The following PPHLN1 variants were observed in gnomAD, a reference collection of about 807,000 sequenced individuals.
The protein encoded by PPHLN1 is periphilin 1.
A neutral mutation model predicts 51.3 loss-of-function variants in PPHLN1; 29 were observed. The observed-to-expected ratio is 0.57, with a 90% CI of 0.42 to 0.77. The LOEUF is 0.77. PPHLN1 is among the 30% of genes least tolerant of loss of function. The probability of loss-of-function intolerance (pLI) is 0.00; values close to 1 mark genes in which losing one functional copy is unlikely to be tolerated. For missense variants in PPHLN1, 436 were observed against 438.4 expected, an observed-to-expected ratio of 0.99 and a Z score of 0.05; for synonymous variants, 147 against 147.8, an observed-to-expected ratio of 0.99 and a Z score of 0.04.
chr12:42,445,967 C>G (rs1031945525), downstream of PPHLN1: 2 of 1,494,274 alleles, frequency 1.3e-6, no homozygotes, highest in Non-Finnish European at 1.8e-6. Flanking sequence ...GTTCACATCC[C>G]CTCAGGCCCT....
At chr12:42,380,013 T>A (rs908063984) in intron 5 of PPHLN1, among the ~76,000 whole-genome samples, 1 of 152,074 alleles carries the variant, frequency 6.6e-6, no homozygotes, top group Non-Finnish European at 1.5e-5. Flanking sequence ...CTTATTTTCA[T>A]ATCCACTTGA....
intron 9 of PPHLN1, among the ~76,000 whole-genome samples, chr12:42,440,735 G>A (rs550004315): frequency 3.3e-5 from 5 of 152,264 alleles, no homozygotes; most frequent in South Asian, 2.1e-4. Context: ...GCGCCACCGC[G>A]CCCAGCCAAT....
chr12:42,354,814 CAG>C (rs2073851588), intron 3 of PPHLN1, among the ~76,000 whole-genome samples: 1 of 152,072 alleles, frequency 6.6e-6, no homozygotes, highest in South Asian at 2.1e-4. Flanking sequence ...GAGAACTTGA[CAG>C]AAGGAAAAAT....
chr12:42,446,772 CA>C, downstream of PPHLN1: 1 of 909,840 alleles, frequency 1.1e-6, no homozygotes, highest in South Asian at 2.5e-5. Context: ...GGAGGTTTTC[CA>C]AAGCTTCAGG....
chr12:42,417,948 T>G (rs1266084346), intron 9 of PPHLN1, among the ~76,000 whole-genome samples: 1 of 112,584 alleles, frequency 8.9e-6, no homozygotes, highest in African/African-American at 2.8e-5. Context: ...TTTTTGTTTT[T>G]TTTTTTTTTG....
In PPHLN1 at chr12:42,437,158, C is replaced by G. The variant is rs571177169; in HGVS notation, c.910-4157C>G. ...GCTCCTTGAAGGAGCTCTTCATGAT[C>G]TCGTTTCAGGGTGAATATCCTATGC... is the stretch of plus-strand genomic sequence containing the variant. On this transcript the variant is annotated intron_variant, in intron 9 of 9. Transcript: ENST00000358314. Among the ~76,000 whole-genome samples the G allele has an allele frequency of 1.1e-3, 170 of 152,308 alleles. 2 individuals are homozygous for G. Among genetic ancestry groups the G allele is most frequent in the Admixed American group, 4.6e-3 (70 of 15,302 alleles).
intron 9 of PPHLN1, among the ~76,000 whole-genome samples, chr12:42,404,832 A>C (rs1417809948): frequency 6.6e-6 from 1 of 152,174 alleles, no homozygotes; most frequent in Non-Finnish European, 1.5e-5. Context: ...GTTCAAGACC[A>C]GCCTCACCAA....
chr12:42,414,116 A>G (rs527446891), intron 9 of PPHLN1, among the ~76,000 whole-genome samples: 1 of 152,050 alleles, frequency 6.6e-6, no homozygotes, highest in East Asian at 1.9e-4. Flanking sequence ...GGCTCACTGC[A>G]ATCTCCGCCT....
intron 2 of PPHLN1, among the ~76,000 whole-genome samples, chr12:42,340,319 A>G (rs958398816): frequency 6.7e-6 from 1 of 149,550 alleles, no homozygotes; most frequent in Non-Finnish European, 1.5e-5. Context: ...CTCAAAAAAA[A>G]AAAAAAAAAA....
intron 2 of PPHLN1, among the ~76,000 whole-genome samples, chr12:42,342,066 A>G (rs983578122): frequency 2.0e-5 from 3 of 152,152 alleles, no homozygotes; most frequent in African/African-American, 4.8e-5. Flanking sequence ...GTAAATATAT[A>G]TGCTTCTTCT....
At chr12:42,385,583 CCT>C (rs541316825) in intron 6 of PPHLN1, among the ~76,000 whole-genome samples, 48 of 152,070 alleles carry the variant, frequency 3.2e-4, no homozygotes, top group Non-Finnish European at 6.6e-4. Flanking sequence ...GTTTTTTTCC[CCT>C]CTGTGTCTAG....
At chr12:42,371,819 T>C (rs1045210146) in intron 4 of PPHLN1, among the ~76,000 whole-genome samples, 7 of 152,220 alleles carry the variant, frequency 4.6e-5, no homozygotes, top group African/African-American at 1.7e-4. Context: ...TTTGGATATA[T>C]TGGGTTAAGT....
rs187052076 is a variant in PPHLN1, at chr12:42,417,595, G to T, written c.909+18601G>T. Among the ~76,000 whole-genome samples the T allele has an allele frequency of 2.6e-3, 392 of 152,112 alleles. 2 individuals carry two copies. Among genetic ancestry groups the T allele is most frequent in the Non-Finnish European group, 3.3e-3 (223 of 68,000 alleles). ...TCCAACAATTCACAGCCTCCTTTAAGTAAGCGTAGAAAGGCAAACCGGATT... is the reference window on the plus strand; with the variant it reads ...TCCAACAATTCACAGCCTCCTTTAATTAAGCGTAGAAAGGCAAACCGGATT... On this transcript the variant is annotated intron_variant, in intron 9 of 9. Coordinates refer to ENST00000358314, the MANE Select transcript of PPHLN1 (RefSeq NM_201439.2).
chr12:42,354,163 A>T (rs17091094), intron 3 of PPHLN1, among the ~76,000 whole-genome samples: 12,356 of 152,232 alleles, frequency 0.081, 546 homozygotes, highest in East Asian at 0.15. Flanking sequence ...TATTTATTTT[A>T]GACGAATCCG....
Position 42,413,805 on chromosome 12 carries a change from C to T in PPHLN1, c.909+14811C>T, listed in dbSNP as rs911281585. On this transcript the variant is annotated intron_variant, in intron 9 of 9. Transcript: ENST00000358314. ...CTCAAACTTCTGACCACAAGTGATCCGCCCACCTCAGCCTCCCAAAGTGCT... is the reference window on the plus strand; with the variant it reads ...CTCAAACTTCTGACCACAAGTGATCTGCCCACCTCAGCCTCCCAAAGTGCT... 5.3e-5 allele frequency among the ~76,000 whole-genome samples: 8 copies of T among 151,990 alleles called. No individual in the cohort carries two copies. The South Asian group carries it at 1.7e-3, about 32-fold the overall frequency.
chr12:42,418,755 CTT>C (rs983444414), intron 9 of PPHLN1, among the ~76,000 whole-genome samples: 1 of 152,134 alleles, frequency 6.6e-6, no homozygotes, highest in Non-Finnish European at 1.5e-5. Context: ...TTTATAATAA[CTT>C]ATCACAATTA....
At chr12:42,382,914 T>C (rs1227985508) in intron 5 of PPHLN1, among the ~76,000 whole-genome samples, 1 of 152,174 alleles carries the variant, frequency 6.6e-6, no homozygotes, top group Non-Finnish European at 1.5e-5. Flanking sequence ...TGAAGAGTTT[T>C]AAGTACAGTG....
At chr12:42,403,842 T>G (rs1403305330) in intron 9 of PPHLN1, among the ~76,000 whole-genome samples, 1 of 152,198 alleles carries the variant, frequency 6.6e-6, no homozygotes, top group African/African-American at 2.4e-5. Flanking sequence ...CCTCTTCTCC[T>G]CATCCACTCT....
rs546871332 is a variant in PPHLN1, at chr12:42,415,451, G to A, written c.909+16457G>A. Among the ~76,000 whole-genome samples the A allele has an allele frequency of 2.5e-3, 374 of 152,324 alleles. 3 individuals carry two copies. Among genetic ancestry groups the A allele is most frequent in the Non-Finnish European group, 7.9e-4 (54 of 68,026 alleles). On this transcript the variant is annotated intron_variant, in intron 9 of 9. Transcript: ENST00000358314. ...CTCCCAAAGTGCTGCGATTACAGGCGTGAGCCACCGCCCCTAGCCAAAACC... is the reference window on the plus strand; with the variant it reads ...CTCCCAAAGTGCTGCGATTACAGGCATGAGCCACCGCCCCTAGCCAAAACC...
Sources: gnomAD v4.1 joint callset for allele counts (sites outside exome capture counted in the v4.1 genomes callset) on GRCh38, gnomAD v4.1.1 for gene constraint, MANE v1.5 for transcripts, NCBI Gene and HGNC (gene_info 2026-07-23, HGNC 2026-07-21) for gene names.